USP47: variants seen among roughly 807,000 people sequenced by gnomAD.
The protein encoded by USP47 is ubiquitin specific peptidase 47, also known as ubiquitin carboxyl-terminal hydrolase 47.
In USP47, 35 loss-of-function variants were observed where a neutral mutation model predicts 165.1. The ratio of observed to expected loss-of-function variants is 0.21; its 90% confidence interval spans 0.16 to 0.28. USP47 has a LOEUF of 0.28. Among genes scored for constraint, USP47 ranks in the 10% least tolerant of loss-of-function variants. The pLI, the probability that USP47 is intolerant of heterozygous loss-of-function variation, is 1.00. For synonymous variants in USP47, 531 were observed against 544.5 expected (o/e 0.98, Z 0.35); for missense variants, 1,277 against 1,607.4 (o/e 0.79, Z 3.52).
intron 24 of USP47, chr11:11,952,070 G>T (rs925467131): frequency 6.6e-6 from 1 of 152,216 alleles, no homozygotes; most frequent in African/African-American, 2.4e-5. Context: ...TTATTGACCT[G>T]TAATTTGCCA....
chr11:11,880,468 T>A, intron 2 of USP47, 88 bp downstream of exon 2: 2 of 1,042,108 alleles, frequency 1.9e-6, no homozygotes, highest in Non-Finnish European at 2.5e-6. Context: ...CTGGAACTCT[T>A]AAAATCATAA....
At chr11:11,885,022 CT>C (rs1851064122) in intron 3 of USP47, among the ~76,000 whole-genome samples, 1 of 152,152 alleles carries the variant, frequency 6.6e-6, no homozygotes. Flanking sequence ...AACCTGCCAC[CT>C]TTTTTGGAAT....
At chr11:11,930,153 G>A (rs1854554860) in intron 13 of USP47, 33 bp downstream of exon 13, 17 of 1,558,796 alleles carry the variant, frequency 1.1e-5, no homozygotes, top group Non-Finnish European at 1.5e-5. Context: ...GTGTTTAAAA[G>A]TTAGAATTAA....
intron 1 of USP47, chr11:11,878,799 G>C (rs1181619909): frequency 3.3e-5 from 5 of 152,056 alleles, no homozygotes; most frequent in Non-Finnish European, 5.9e-5. Context: ...ACCCAAAATT[G>C]TGTGTCACAG....
In USP47 at chr11:11,891,991, CAG is replaced by C; in HGVS notation, c.382_383del (p.Ser128CysfsTer3). On this transcript the variant is annotated frameshift_variant, in exon 4 of 28. Coordinates refer to ENST00000527733, the MANE Select transcript of USP47 (RefSeq NM_001282659.2). LOFTEE classifies it high-confidence loss of function. ...AGGAGGATTCCAGTGCTGGGGAAGACAGTGTTCATGACAGGTTTATAGGTCCG... is the reference window on the plus strand; with the variant it reads ...AGGAGGATTCCAGTGCTGGGGAAGACTGTTCATGACAGGTTTATAGGTCCG... The part of the protein sequence containing the change: ...LLEDSSAGED[S>X]VHDRFIGPLP... 2 of 1,613,188 alleles carry C rather than the reference CAG, an allele frequency of 1.2e-6. No homozygotes were observed. The highest frequency in any genetic ancestry group is 1.7e-6 in the Non-Finnish European group (2 of 1,179,594).
intron 1 of USP47, among the ~76,000 whole-genome samples, chr11:11,846,423 A>G (rs141704286): frequency 7.6e-4 from 116 of 152,236 alleles, no homozygotes; most frequent in Non-Finnish European, 1.3e-3. Context: ...ATAATACTTA[A>G]ACTGCAGTAC....
At chr11:11,933,977 C>G (rs777796037) in intron 16 of USP47, 42 bp downstream of exon 16, 1 of 1,393,130 alleles carries the variant, frequency 7.2e-7, no homozygotes, top group African/African-American at 1.4e-5. Flanking sequence ...ACTAATACAA[C>G]AGTATTAACA....
rs1444996949 is a variant in USP47, at chr11:11,961,071, G to C, written c.*4896G>C. 1.3e-5 allele frequency among the ~76,000 whole-genome samples: 2 copies of C among 152,160 alleles called. No homozygotes were observed. Among genetic ancestry groups the C allele is most frequent in the Admixed American group, 6.5e-5 (1 of 15,280 alleles). ...ACCAGCTTTATCAATAATAATATCG[G>C]TGGTTTACTTAAGGTGTCCAGAGAT... On this transcript the variant is annotated 3_prime_UTR_variant, in exon 28 of 28. Coordinates refer to ENST00000527733, the MANE Select transcript of USP47 (RefSeq NM_001282659.2).
intron 8 of USP47, among the ~76,000 whole-genome samples, chr11:11,915,957 TA>T (rs1649305781): frequency 6.6e-6 from 1 of 152,204 alleles, no homozygotes; most frequent in South Asian, 2.1e-4. Context: ...AATTGATGAA[TA>T]ATTCATATGT....
At chr11:11,910,779 A>C (rs1262802995) in intron 8 of USP47, among the ~76,000 whole-genome samples, 1 of 152,138 alleles carries the variant, frequency 6.6e-6, no homozygotes, top group Non-Finnish European at 1.5e-5. Flanking sequence ...CAGATGGTAC[A>C]GTGTCAAAGG....
chr11:11,909,651 A>G (rs1852820111), intron 8 of USP47, among the ~76,000 whole-genome samples: 2 of 152,074 alleles, frequency 1.3e-5, no homozygotes, highest in African/African-American at 4.8e-5. Context: ...TTCTTTTAGG[A>G]TACTTTTATT....
In USP47 at chr11:11,935,752, T is replaced by A. The variant is rs114761786; in HGVS notation, c.1870-551T>A. On this transcript the variant is annotated intron_variant, in intron 16 of 27. Coordinates refer to ENST00000527733, the MANE Select transcript of USP47 (RefSeq NM_001282659.2). ...CATAAGCTATAAGGAAATGTTATGATAGAAATTCCTATACCATGAGCTTTA... is the reference window on the plus strand; with the variant it reads ...CATAAGCTATAAGGAAATGTTATGAAAGAAATTCCTATACCATGAGCTTTA... 8.8e-3 allele frequency among the ~76,000 whole-genome samples: 1,336 copies of A among 152,086 alleles called. 16 individuals carry two copies. The highest frequency in any genetic ancestry group is 0.025 in the South Asian group (123 of 4,830).
rs1286051514 is a variant in USP47, at chr11:11,957,991, T to G, written c.*1816T>G. 1 of 152,258 alleles carries G rather than the reference T, an allele frequency of 6.6e-6. No individual in the cohort carries two copies. Among genetic ancestry groups the G allele is most frequent in the Non-Finnish European group, 1.5e-5 (1 of 68,042 alleles). The allele number at this position is 152,258 out of a possible 1,614,324, so 9.4% of individuals were successfully genotyped here. On this transcript the variant is annotated 3_prime_UTR_variant, in exon 28 of 28. Transcript: ENST00000527733. ...GTTCTCAGAAGAAAATTGGAAACAC[T>G]TGTGATGAATTGTCTTTCAGATCAC...
chr11:11,871,825 C>CTGCA (rs1850087879), intron 1 of USP47, among the ~76,000 whole-genome samples: 1 of 152,170 alleles, frequency 6.6e-6, no homozygotes, highest in Non-Finnish European at 1.5e-5. Context: ...CCTCCCTGCA[C>CTGCA]TGCAGCCTAG....
At chr11:11,875,698 G>A (rs1193043344) in intron 1 of USP47, among the ~76,000 whole-genome samples, 1 of 152,158 alleles carries the variant, frequency 6.6e-6, no homozygotes, top group Non-Finnish European at 1.5e-5. Context: ...CTACCTCCCA[G>A]GTTCAAGCGA....
chr11:11,853,506 T>C (rs1231138953), intron 1 of USP47, among the ~76,000 whole-genome samples: 1 of 152,194 alleles, frequency 6.6e-6, no homozygotes, highest in Non-Finnish European at 1.5e-5. Flanking sequence ...TCTTAAAGAA[T>C]ATGTGTTTTC....
At chr11:11,912,323 C>CT (rs1853058677) in intron 8 of USP47, among the ~76,000 whole-genome samples, 1 of 151,846 alleles carries the variant, frequency 6.6e-6, no homozygotes, top group Non-Finnish European at 1.5e-5. Context: ...AATAGCAAGA[C>CT]TGACAGAGAA....
Position 11,955,064 on chromosome 11 carries a change from G to C in USP47, c.3793G>C (p.Val1265Leu). 6.2e-7 allele frequency: 1 copy of C among 1,613,464 alleles called. No individual in the cohort carries two copies. The highest frequency in any genetic ancestry group is 8.5e-7 in the Non-Finnish European group (1 of 1,179,780). ...AGGAACATTTCCCTGTGATATTTCTGTCCTTGATATTCATCAGGATTTAGA... is the reference window on the plus strand; with the variant it reads ...AGGAACATTTCCCTGTGATATTTCTCTCCTTGATATTCATCAGGATTTAGA... ...GRGTFPCDIS[V>L]LDIHQDLDWN... The change falls in exon 27 of 28, where the codon GTC becomes CTC. Residue 1265 changes from valine (V) to leucine (L), a missense_variant. Around this residue, in one of 4 missense-constraint regions of USP47, gnomAD observed 909 missense variants for 1,068.1 expected, o/e 0.85. Coordinates refer to ENST00000527733, the MANE Select transcript of USP47 (RefSeq NM_001282659.2).
chr11:11,933,159 T>C, intron 15 of USP47, 43 bp downstream of exon 15: 1 of 1,503,908 alleles, frequency 6.6e-7, no homozygotes, highest in South Asian at 1.2e-5. Flanking sequence ...GTGCTATTTT[T>C]AAGCTCGCTT....
Sources: gnomAD v4.1 joint callset for allele counts (sites outside exome capture counted in the v4.1 genomes callset) on GRCh38, gnomAD v4.1.1 for gene constraint, gnomAD v4.1.1 regional missense constraint, MANE v1.5 for transcripts, NCBI Gene and HGNC (gene_info 2026-07-23, HGNC 2026-07-21) for gene names.